CTDSPL: variants seen among roughly 807,000 people sequenced by gnomAD.
The protein encoded by CTDSPL is CTD small phosphatase-like protein.
In CTDSPL, 8 loss-of-function variants were observed where a neutral mutation model predicts 30.5. The observed-to-expected ratio is 0.26, with a 90% CI of 0.15 to 0.47. The LOEUF is 0.47. CTDSPL is among the 20% of genes least tolerant of loss of function. The probability of loss-of-function intolerance (pLI) is 0.99; values close to 1 mark genes in which losing one functional copy is unlikely to be tolerated. For synonymous variants in CTDSPL, 110 were observed against 137.9 expected, an observed-to-expected ratio of 0.80 and a Z score of 1.42; for missense variants, 248 against 366.1, an observed-to-expected ratio of 0.68 and a Z score of 2.63.
intron 3 of CTDSPL, among the ~76,000 whole-genome samples, chr3:37,963,020 A>AT (rs1161857770): frequency 1.3e-5 from 2 of 152,240 alleles, no homozygotes; most frequent in Non-Finnish European, 2.9e-5. Context: ...TTTTTTAAAA[A>AT]TAACCTGCTG....
intron 1 of CTDSPL, among the ~76,000 whole-genome samples, chr3:37,890,719 GCTC>G (rs1255791567): frequency 1.3e-5 from 2 of 152,266 alleles, no homozygotes; most frequent in East Asian, 3.9e-4. Context: ...GTGCTCTGAG[GCTC>G]CTCCTCACAG....
At chr3:37,957,840 C>T (rs1325354088) in intron 3 of CTDSPL, among the ~76,000 whole-genome samples, 1 of 152,190 alleles carries the variant, frequency 6.6e-6, no homozygotes, top group Non-Finnish European at 1.5e-5. Flanking sequence ...CCTGCTCTGC[C>T]AGCAGAGCCA....
chr3:37,930,777 T>C (rs1698843593), intron 1 of CTDSPL, among the ~76,000 whole-genome samples: 1 of 152,348 alleles, frequency 6.6e-6, no homozygotes, highest in East Asian at 1.9e-4. Flanking sequence ...AGGTCTTCTG[T>C]TTCCTTGTTG....
chr3:37,879,332 T>C (rs1262113107), intron 1 of CTDSPL, among the ~76,000 whole-genome samples: 3 of 152,242 alleles, frequency 2.0e-5, no homozygotes, highest in Non-Finnish European at 2.9e-5. Flanking sequence ...TCTACCTATC[T>C]GCCTGTCTCA....
intron 1 of CTDSPL, among the ~76,000 whole-genome samples, chr3:37,872,335 T>G (rs898317477): frequency 6.6e-6 from 1 of 152,120 alleles, no homozygotes; most frequent in African/African-American, 2.4e-5. Context: ...TTGTTTTTTT[T>G]CATTCAGTTC....
At chr3:37,889,297 A>G (rs942915571) in intron 1 of CTDSPL, among the ~76,000 whole-genome samples, 1 of 152,208 alleles carries the variant, frequency 6.6e-6, no homozygotes, top group Non-Finnish European at 1.5e-5. Context: ...ATTAATTTGG[A>G]TATCAAACTG....
At chr3:37,939,634 G>C (rs1698955118) in intron 1 of CTDSPL, among the ~76,000 whole-genome samples, 1 of 150,104 alleles carries the variant, frequency 6.7e-6, no homozygotes, top group South Asian at 2.1e-4. Context: ...TCCATGGCTT[G>C]CAAGGCCCTT....
chr3:37,921,607 CCACA>C (rs58395906), intron 1 of CTDSPL, among the ~76,000 whole-genome samples: 65,719 of 147,488 alleles, frequency 0.45, 14,806 homozygotes, highest in East Asian at 0.66. Context: ...ACCCTAACTA[CCACA>C]CACACACACA....
At chr3:37,948,808 CTTTTTTTT>C (rs71635858) in intron 2 of CTDSPL, among the ~76,000 whole-genome samples, 2 of 108,192 alleles carry the variant, frequency 1.8e-5, no homozygotes, top group African/African-American at 4.1e-5. Flanking sequence ...TTCCAGCTTT[CTTTTTTTT>C]TTTTTTTTTT....
chr3:37,966,070 A>G (rs1575321276), intron 4 of CTDSPL, among the ~76,000 whole-genome samples: 1 of 151,642 alleles, frequency 6.6e-6, no homozygotes, highest in East Asian at 1.9e-4. Flanking sequence ...AGCATAGAGA[A>G]CTCCCTCCCA....
chr3:37,960,496 AAAAAAAAAAAT>A (rs1169538832), intron 3 of CTDSPL, among the ~76,000 whole-genome samples: 1 of 65,364 alleles, frequency 1.5e-5, no homozygotes, highest in Non-Finnish European at 2.7e-5. Context: ...AAAAAAAAAA[AAAAAAAAAAAT>A]ATATATATAT....
chr3:37,873,970 A>G (rs75262183), intron 1 of CTDSPL, among the ~76,000 whole-genome samples: 259 of 152,368 alleles, frequency 1.7e-3, no homozygotes, highest in African/African-American at 5.9e-3. Flanking sequence ...CTGTTTGATT[A>G]GCAAGCATGT....
At chr3:37,930,671 G>C (rs530294971) in intron 1 of CTDSPL, among the ~76,000 whole-genome samples, 1 of 152,280 alleles carries the variant, frequency 6.6e-6, no homozygotes, top group African/African-American at 2.4e-5. Flanking sequence ...ATCTATCCTG[G>C]AGAGTATTTT....
intron 1 of CTDSPL, among the ~76,000 whole-genome samples, chr3:37,941,713 TA>T: frequency 6.7e-6 from 1 of 150,328 alleles, no homozygotes; most frequent in South Asian, 2.1e-4. Context: ...TTGACAGGGA[TA>T]AGGAGGAGAA....
chr3:37,926,335 T>G (rs1698781301), intron 1 of CTDSPL, among the ~76,000 whole-genome samples: 1 of 152,196 alleles, frequency 6.6e-6, no homozygotes, highest in Non-Finnish European at 1.5e-5. Flanking sequence ...AGATCGTAGG[T>G]TTCCAGCCCA....
In CTDSPL at chr3:37,862,270, G is replaced by T; in HGVS notation, c.71G>T (p.Gly24Val). ...GACGAGGGCCGGTTGCCGGGCGCGG[G>T]CGAGAAAGGTGAGGAGGGGCGCAGG... Reference protein sequence around the residue: ...KEDEGRLPGAGEKASQCNVSL... With the variant: ...KEDEGRLPGAVEKASQCNVSL... The change falls in exon 1 of 8, where the codon GGC becomes GTC. Residue 24 changes from glycine to valine, a missense_variant. By Grantham distance (109) the Gly-to-Val change is moderately radical (BLOSUM62 -3). Transcript: ENST00000273179. The surrounding 1 kb of genome is among the most constrained non-coding windows in gnomAD (Gnocchi z 4.3). 2 of 1,495,910 alleles carry T rather than the reference G, an allele frequency of 1.3e-6. No homozygotes were observed. 92.7% of individuals were successfully genotyped at this position (1,495,910 alleles called of 1,614,324 possible).
intron 1 of CTDSPL, among the ~76,000 whole-genome samples, chr3:37,874,787 A>C (rs1400459973): frequency 6.6e-6 from 1 of 152,064 alleles, no homozygotes; most frequent in Non-Finnish European, 1.5e-5. Flanking sequence ...CACACACACA[A>C]GTTTCTTCAT....
chr3:37,873,784 T>C (rs1698103493), intron 1 of CTDSPL, among the ~76,000 whole-genome samples: 1 of 152,220 alleles, frequency 6.6e-6, no homozygotes, highest in African/African-American at 2.4e-5. Flanking sequence ...TAATTGTCCA[T>C]TGAAAAGAGA....
chr3:37,963,253 C>T (rs1357009136), intron 3 of CTDSPL, among the ~76,000 whole-genome samples: 1 of 152,214 alleles, frequency 6.6e-6, no homozygotes, highest in Non-Finnish European at 1.5e-5. Context: ...TAGCCTCTTC[C>T]TGGGCAACCC....
Sources: gnomAD v4.1 joint callset for allele counts (sites outside exome capture counted in the v4.1 genomes callset) on GRCh38, gnomAD v4.1.1 for gene constraint, Gnocchi (gnomAD v3.1) non-coding constraint, MANE v1.5 for transcripts, NCBI Gene and HGNC (gene_info 2026-07-23, HGNC 2026-07-21) for gene names.